Variants in CTNNBIP1 observed in about 807,000 individuals in gnomAD.
CTNNBIP1 encodes beta-catenin-interacting protein 1.
Under a neutral mutation model 11.8 loss-of-function variants are expected in CTNNBIP1, and 7 were observed. The observed-to-expected ratio is 0.60, with a 90% CI of 0.34 to 1.12. CTNNBIP1 has a LOEUF of 1.12. Among genes scored for constraint, CTNNBIP1 ranks in the 50% most tolerant of loss-of-function variants. CTNNBIP1 has a pLI of 0.03. For synonymous variants in CTNNBIP1, 58 were observed against 43.9 expected (o/e 1.32, Z -1.26); for missense variants, 101 against 113.4 (o/e 0.89, Z 0.50).
chr1:9,906,927 GA>G (rs761642093), intron 1 of CTNNBIP1, among the ~76,000 whole-genome samples: 85 of 152,336 alleles, frequency 5.6e-4, no homozygotes, highest in Admixed American at 1.2e-3. Context: ...TCTGGCCTCA[GA>G]AAGCTTAGAG....
intron 5 of CTNNBIP1, among the ~76,000 whole-genome samples, chr1:9,854,338 A>G (rs928893936): frequency 1.3e-5 from 2 of 148,332 alleles, no homozygotes; most frequent in African/African-American, 5.0e-5. Flanking sequence ...ATTGTACTCC[A>G]GCCTGGGCAA....
chr1:9,873,754 A>G (rs1638911170), intron 3 of CTNNBIP1, among the ~76,000 whole-genome samples: 1 of 152,022 alleles, frequency 6.6e-6, no homozygotes, highest in Non-Finnish European at 1.5e-5. Context: ...TTATTTTTTG[A>G]CACAGGGTCT....
At chr1:9,908,847 G>A (rs1214487316) in intron 1 of CTNNBIP1, among the ~76,000 whole-genome samples, 1 of 152,220 alleles carries the variant, frequency 6.6e-6, no homozygotes, top group Non-Finnish European at 1.5e-5. Flanking sequence ...TTGGAACGGT[G>A]CCTGGCACAT....
At chr1:9,864,392 G>T (rs943253293) in intron 5 of CTNNBIP1, among the ~76,000 whole-genome samples, 9 of 152,164 alleles carry the variant, frequency 5.9e-5, no homozygotes, top group African/African-American at 2.2e-4. Context: ...GCAGTGGCGC[G>T]ATCTCGGCTC....
intron 1 of CTNNBIP1, among the ~76,000 whole-genome samples, chr1:9,896,746 A>G (rs929368186): frequency 1.2e-4 from 18 of 151,950 alleles, no homozygotes; most frequent in African/African-American, 4.1e-4. Context: ...AGGTGGGCGA[A>G]TCATGAGGTC....
chr1:9,904,522 G>A (rs1639581807), intron 1 of CTNNBIP1, among the ~76,000 whole-genome samples: 1 of 152,076 alleles, frequency 6.6e-6, no homozygotes, highest in South Asian at 2.1e-4. Context: ...CTGTGTTCCT[G>A]ATCAAGTAAT....
intron 2 of CTNNBIP1, among the ~76,000 whole-genome samples, chr1:9,880,609 G>A (rs780093551): frequency 6.6e-6 from 1 of 152,180 alleles, no homozygotes; most frequent in African/African-American, 2.4e-5. Context: ...GCGTGAAAGC[G>A]TTCCTATTTC....
chr1:9,875,038 C>T (rs1029843444), intron 3 of CTNNBIP1, among the ~76,000 whole-genome samples: 6 of 152,166 alleles, frequency 3.9e-5, no homozygotes, highest in Non-Finnish European at 7.4e-5. Flanking sequence ...ATACAAGGAC[C>T]TGGCCACTAG....
chr1:9,877,572 CTAAT>C (rs1638995587), intron 3 of CTNNBIP1, among the ~76,000 whole-genome samples: 3 of 152,154 alleles, frequency 2.0e-5, no homozygotes, highest in Admixed American at 2.0e-4. Context: ...GTGATAGATT[CTAAT>C]ACATTTAAAA....
rs149120145 is a variant in CTNNBIP1, at chr1:9,909,293, A to C, written c.-144+802T>G. Among the ~76,000 whole-genome samples, 360 of 152,346 alleles carry C rather than the reference A, an allele frequency of 2.4e-3. 1 individual carries two copies. Among genetic ancestry groups the C allele is most frequent in the African/African-American group, 7.6e-3 (317 of 41,576 alleles). ...ACAGCTGGAGCATACTGAGATCCTC[A>C]GACAGGAGGTGGTGCAAGCCACACG... On this transcript the variant is annotated intron_variant, in intron 1 of 5. Transcript: ENST00000377263.
intron 2 of CTNNBIP1, among the ~76,000 whole-genome samples, chr1:9,881,278 TCC>T (rs1477507310): frequency 6.8e-6 from 1 of 147,738 alleles, no homozygotes; most frequent in African/African-American, 2.5e-5. Flanking sequence ...CAAGCAATCC[TCC>T]CACCTCCGCC....
At chr1:9,890,045 A>C (rs1265910665) in intron 1 of CTNNBIP1, among the ~76,000 whole-genome samples, 2 of 152,162 alleles carry the variant, frequency 1.3e-5, no homozygotes, top group Non-Finnish European at 2.9e-5. Flanking sequence ...AGCTGGAGGA[A>C]CCTGCATGTT....
chr1:9,856,003 C>T (rs1479748689), intron 5 of CTNNBIP1, among the ~76,000 whole-genome samples: 3 of 152,052 alleles, frequency 2.0e-5, no homozygotes, highest in African/African-American at 4.8e-5. Flanking sequence ...AAAAAGTTAG[C>T]TGGGCGTGGT....
At chr1:9,861,291 A>T in intron 5 of CTNNBIP1, among the ~76,000 whole-genome samples, 1 of 152,326 alleles carries the variant, frequency 6.6e-6, no homozygotes, top group South Asian at 2.1e-4. Flanking sequence ...GCTCCTCCAA[A>T]GGGAAGCATT....
At chr1:9,889,749 C>T (rs1458181563) in intron 1 of CTNNBIP1, among the ~76,000 whole-genome samples, 1 of 152,190 alleles carries the variant, frequency 6.6e-6, no homozygotes, top group Non-Finnish European at 1.5e-5. Context: ...CCCCAGGGAA[C>T]CTTATTCTCA....
intron 1 of CTNNBIP1, among the ~76,000 whole-genome samples, chr1:9,890,000 A>T (rs1232674086): frequency 6.6e-6 from 1 of 152,202 alleles, no homozygotes; most frequent in Non-Finnish European, 1.5e-5. Context: ...CAGCCTTTGC[A>T]TGGCCTCACT....
intron 1 of CTNNBIP1, among the ~76,000 whole-genome samples, chr1:9,886,879 C>A (rs985394907): frequency 1.3e-5 from 2 of 152,190 alleles, no homozygotes; most frequent in Non-Finnish European, 2.9e-5. Context: ...TAAACTGCAA[C>A]AACCTCCCAG....
intron 1 of CTNNBIP1, among the ~76,000 whole-genome samples, chr1:9,906,891 G>C (rs998680125): frequency 2.6e-5 from 4 of 152,202 alleles, no homozygotes; most frequent in Admixed American, 6.5e-5. Context: ...CACTGTGGAC[G>C]ATGCAAAGAC....
intron 2 of CTNNBIP1, among the ~76,000 whole-genome samples, chr1:9,881,933 G>A (rs1639091377): frequency 6.6e-6 from 1 of 152,214 alleles, no homozygotes; most frequent in Admixed American, 6.5e-5. Context: ...ACAAGGCAAA[G>A]AGAAAACCAC....
Sources: gnomAD v4.1 joint callset for allele counts (sites outside exome capture counted in the v4.1 genomes callset) on GRCh38, gnomAD v4.1.1 for gene constraint, MANE v1.5 for transcripts, NCBI Gene and HGNC (gene_info 2026-07-23, HGNC 2026-07-21) for gene names.